GRIK3: variants seen among roughly 807,000 people sequenced by gnomAD.
The protein encoded by GRIK3 is glutamate receptor ionotropic, kainate 3.
A neutral mutation model predicts 102.5 loss-of-function variants in GRIK3; 29 were observed. The observed-to-expected ratio is 0.28, with a 90% CI of 0.21 to 0.39. The LOEUF (loss-of-function observed/expected upper bound fraction) is 0.39, where lower values mean the gene tolerates loss of function less well. GRIK3 is among the 10% of genes least tolerant of loss of function. The probability of loss-of-function intolerance (pLI) is 1.00; values close to 1 mark genes in which losing one functional copy is unlikely to be tolerated. For missense variants in GRIK3, 908 were observed against 1,252.4 expected (o/e 0.73, Z 4.15); for synonymous variants, 511 against 504.9 (o/e 1.01, Z -0.16).
At chr1:37,014,173 A>T (rs1642627811) in intron 1 of GRIK3, among the ~76,000 whole-genome samples, 1 of 152,254 alleles carries the variant, frequency 6.6e-6, no homozygotes, top group Non-Finnish European at 1.5e-5. Context: ...ATCTGCTGTA[A>T]TTAAGAACTA....
chr1:36,992,695 C>T (rs1050909251), intron 1 of GRIK3, among the ~76,000 whole-genome samples: 8 of 152,314 alleles, frequency 5.3e-5, no homozygotes, highest in Non-Finnish European at 8.8e-5. Flanking sequence ...TTATAAACAT[C>T]GTCATGAGCA....
intron 1 of GRIK3, among the ~76,000 whole-genome samples, chr1:36,900,275 T>G (rs1217946335): frequency 6.6e-6 from 1 of 152,066 alleles, no homozygotes; most frequent in African/African-American, 2.4e-5. Flanking sequence ...TACTTGAAGA[T>G]TAGGCAATGC....
chr1:36,972,355 T>A (rs1334673293), intron 1 of GRIK3, among the ~76,000 whole-genome samples: 1 of 152,204 alleles, frequency 6.6e-6, no homozygotes, highest in Non-Finnish European at 1.5e-5. Context: ...CCTTCCGTAC[T>A]GATTCCAGCA....
chr1:36,922,413 C>T (rs1641483599), intron 1 of GRIK3, among the ~76,000 whole-genome samples: 1 of 152,212 alleles, frequency 6.6e-6, no homozygotes, highest in African/African-American at 2.4e-5. Flanking sequence ...GCTGCTTCAA[C>T]TCCCTCCCTG....
At chr1:36,803,406 A>G (rs1354659848) in intron 15 of GRIK3, among the ~76,000 whole-genome samples, 3 of 151,764 alleles carry the variant, frequency 2.0e-5, no homozygotes, top group African/African-American at 7.3e-5. Context: ...TGGAATGAGG[A>G]GCTCTTTTTT....
chr1:37,030,210 T>C (rs1642805741), intron 1 of GRIK3, among the ~76,000 whole-genome samples: 1 of 152,192 alleles, frequency 6.6e-6, no homozygotes, highest in African/African-American at 2.4e-5. Context: ...ACCCTATTGA[T>C]CTTCATTCAG....
intron 10 of GRIK3, among the ~76,000 whole-genome samples, chr1:36,837,271 C>A (rs1640390881): frequency 6.6e-6 from 1 of 152,162 alleles, no homozygotes; most frequent in Non-Finnish European, 1.5e-5. Flanking sequence ...ACAGGGACCC[C>A]AATCCCAACA....
intron 1 of GRIK3, among the ~76,000 whole-genome samples, chr1:36,925,693 A>G (rs1262550096): frequency 6.6e-6 from 1 of 152,258 alleles, no homozygotes; most frequent in East Asian, 1.9e-4. Context: ...CTGGCAACAG[A>G]AAAAGAAAGC....
At chr1:37,021,295 A>G (rs1202768749) in intron 1 of GRIK3, among the ~76,000 whole-genome samples, 1 of 151,288 alleles carries the variant, frequency 6.6e-6, no homozygotes, top group African/African-American at 2.4e-5. Flanking sequence ...CCCGTGAAAG[A>G]AAAAAAAATG....
At chr1:36,836,919 G>A (rs1640386624) in intron 10 of GRIK3, among the ~76,000 whole-genome samples, 1 of 152,054 alleles carries the variant, frequency 6.6e-6, no homozygotes, top group Non-Finnish European at 1.5e-5. Context: ...AGGAGGTCAC[G>A]CTTGTGCCAA....
intron 2 of GRIK3, among the ~76,000 whole-genome samples, chr1:36,888,628 T>G (rs1381352077): frequency 6.6e-6 from 1 of 152,150 alleles, no homozygotes; most frequent in African/African-American, 2.4e-5. Flanking sequence ...GCCACCTCTG[T>G]CTTAAACACT....
At chr1:37,022,794 T>C (rs1393805040) in intron 1 of GRIK3, among the ~76,000 whole-genome samples, 3 of 152,256 alleles carry the variant, frequency 2.0e-5, no homozygotes, top group Non-Finnish European at 2.9e-5. Context: ...TTATTAATTA[T>C]CTACTAGGAG....
At chr1:36,931,706 G>T (rs1004032420) in intron 1 of GRIK3, among the ~76,000 whole-genome samples, 4 of 152,096 alleles carry the variant, frequency 2.6e-5, no homozygotes, top group African/African-American at 9.7e-5. Flanking sequence ...TTCCTAATTT[G>T]GCATCAGGAC....
intron 1 of GRIK3, among the ~76,000 whole-genome samples, chr1:36,987,716 G>A (rs757686970): frequency 5.9e-5 from 9 of 152,156 alleles, no homozygotes; most frequent in African/African-American, 9.7e-5. Context: ...GTGGGTGCAT[G>A]GGTATATGGG....
At chr1:36,832,954 A>C (rs953846210) in intron 10 of GRIK3, among the ~76,000 whole-genome samples, 1 of 152,110 alleles carries the variant, frequency 6.6e-6, no homozygotes, top group Non-Finnish European at 1.5e-5. Context: ...TAGCCCCCGC[A>C]CTGCTCCTCC....
intron 5 of GRIK3, among the ~76,000 whole-genome samples, chr1:36,868,518 C>T (rs939115982): frequency 6.6e-6 from 1 of 152,196 alleles, no homozygotes; most frequent in African/African-American, 2.4e-5. Context: ...TAATAACCAG[C>T]TCTCTGGGGG....
At chr1:36,931,079 A>G (rs1641583709) in intron 1 of GRIK3, among the ~76,000 whole-genome samples, 2 of 152,230 alleles carry the variant, frequency 1.3e-5, no homozygotes, top group African/African-American at 4.8e-5. Context: ...AGTCAAGCTC[A>G]GCAGAGTCTC....
chr1:36,991,286 C>A (rs1210041038), intron 1 of GRIK3, among the ~76,000 whole-genome samples: 2 of 152,198 alleles, frequency 1.3e-5, no homozygotes, highest in Non-Finnish European at 2.9e-5. Flanking sequence ...TTCTTCTTCC[C>A]TTTTCTGGAC....
intron 1 of GRIK3, among the ~76,000 whole-genome samples, chr1:36,982,647 C>CCCGCCCT: frequency 6.6e-6 from 1 of 152,188 alleles, no homozygotes; most frequent in African/African-American, 2.4e-5. Context: ...TCAGCCAGGC[C>CCCGCCCT]AAGCCTTCTA....
Sources: gnomAD v4.1 joint callset for allele counts (sites outside exome capture counted in the v4.1 genomes callset) on GRCh38, gnomAD v4.1.1 for gene constraint, MANE v1.5 for transcripts, NCBI Gene and HGNC (gene_info 2026-07-23, HGNC 2026-07-21) for gene names.